The following SEMA5A variants were observed in gnomAD, a reference collection of about 807,000 sequenced individuals.
SEMA5A encodes semaphorin-5A.
A neutral mutation model predicts 135.5 loss-of-function variants in SEMA5A; 55 were observed. That is an observed-to-expected ratio of 0.41 (90% CI 0.33 to 0.51). The LOEUF (loss-of-function observed/expected upper bound fraction) is 0.51. Ranked by LOEUF, SEMA5A falls within the 20% of genes least tolerant of loss-of-function variation. SEMA5A has a pLI of 0.37. For synonymous variants in SEMA5A, 580 were observed against 546.5 expected, an observed-to-expected ratio of 1.06 and a Z score of -0.85; for missense variants, 1,290 against 1,419.9, an observed-to-expected ratio of 0.91 and a Z score of 1.47.
chr5:9,177,111 TA>T (rs1331748338), intron 11 of SEMA5A, among the ~76,000 whole-genome samples: 1 of 152,184 alleles, frequency 6.6e-6, no homozygotes, highest in Non-Finnish European at 1.5e-5. Context: ...ATTAATCCCA[TA>T]AACAGACTCA....
chr5:9,046,183 T>C (rs1736241786), intron 21 of SEMA5A, among the ~76,000 whole-genome samples: 1 of 152,076 alleles, frequency 6.6e-6, no homozygotes, highest in Non-Finnish European at 1.5e-5. Flanking sequence ...TTCCCCAGAG[T>C]GTCTCCTCCA....
At chr5:9,484,219 C>T (rs1759990143) in intron 1 of SEMA5A, among the ~76,000 whole-genome samples, 3 of 152,236 alleles carry the variant, frequency 2.0e-5, no homozygotes, top group Admixed American at 2.0e-4. Context: ...AGTACGTGCT[C>T]TGTGTTCCTC....
rs140986976 is a variant in SEMA5A at position 9,215,728 on chromosome 5, T to C, written c.646+8946A>G. ...TGATGGTTATTTTTATTTCTGTGGG[T>C]TCAGCGGTAACATTTTCTTCTTCAT... On this transcript the variant is annotated intron_variant, in intron 8 of 22. Transcript: ENST00000382496. Among the ~76,000 whole-genome samples the C allele has an allele frequency of 6.5e-3, 995 of 152,306 alleles. 3 individuals carry two copies. The highest frequency in any genetic ancestry group is 0.023 in the African/African-American group (957 of 41,552).
chr5:9,242,656 T>C (rs1748264429), intron 5 of SEMA5A, among the ~76,000 whole-genome samples: 1 of 152,162 alleles, frequency 6.6e-6, no homozygotes, highest in Non-Finnish European at 1.5e-5. Flanking sequence ...ACAACCAACG[T>C]GGTGCAGTGT....
At chr5:9,225,821 G>C (rs1162937753) in intron 7 of SEMA5A, among the ~76,000 whole-genome samples, 1 of 152,026 alleles carries the variant, frequency 6.6e-6, no homozygotes, top group African/African-American at 2.4e-5. Flanking sequence ...AAAGCTCTTG[G>C]GTACTGGTGG....
intron 5 of SEMA5A, among the ~76,000 whole-genome samples, chr5:9,248,301 C>T (rs1748581069): frequency 1.3e-5 from 2 of 152,026 alleles, no homozygotes; most frequent in African/African-American, 4.8e-5. Context: ...GCACTCCTTC[C>T]CTTCCATCTA....
chr5:9,435,581 A>T (rs1390272356), intron 2 of SEMA5A, among the ~76,000 whole-genome samples: 1 of 152,220 alleles, frequency 6.6e-6, no homozygotes, highest in Admixed American at 6.5e-5. Context: ...TGTGGGACTA[A>T]TACCTACTGT....
chr5:9,535,869 A>C (rs1042452481), intron 1 of SEMA5A, among the ~76,000 whole-genome samples: 3 of 152,202 alleles, frequency 2.0e-5, no homozygotes, highest in Non-Finnish European at 4.4e-5. Flanking sequence ...CCCAAGCTCA[A>C]GAGCACCGTC....
chr5:9,447,917 C>A (rs1391971317), intron 1 of SEMA5A, among the ~76,000 whole-genome samples: 1 of 152,178 alleles, frequency 6.6e-6, no homozygotes, highest in Non-Finnish European at 1.5e-5. Flanking sequence ...TAAAAGCACC[C>A]ATGCCAGCTG....
intron 11 of SEMA5A, among the ~76,000 whole-genome samples, chr5:9,159,844 C>T (rs1370660753): frequency 1.3e-5 from 2 of 152,154 alleles, no homozygotes; most frequent in Admixed American, 6.5e-5. Context: ...AAATGTGGTA[C>T]ATATACACCA....
intron 2 of SEMA5A, among the ~76,000 whole-genome samples, chr5:9,423,582 C>A (rs1757545165): frequency 6.6e-6 from 1 of 152,170 alleles, no homozygotes; most frequent in African/African-American, 2.4e-5. Context: ...GAAATGTGAG[C>A]CTTATGCTTT....
chr5:9,114,752 G>C (rs984279874), intron 15 of SEMA5A, among the ~76,000 whole-genome samples: 1 of 152,160 alleles, frequency 6.6e-6, no homozygotes, highest in Admixed American at 6.5e-5. Flanking sequence ...GGAACTGGAT[G>C]ATTTTGGAAA....
At chr5:9,159,673 A>G (rs1323770164) in intron 11 of SEMA5A, among the ~76,000 whole-genome samples, 1 of 152,212 alleles carries the variant, frequency 6.6e-6, no homozygotes, top group Non-Finnish European at 1.5e-5. Context: ...AACCAGAAAT[A>G]CCATTTGACC....
intron 5 of SEMA5A, among the ~76,000 whole-genome samples, chr5:9,305,161 G>C (rs1039164851): frequency 3.3e-5 from 5 of 152,124 alleles, no homozygotes; most frequent in Non-Finnish European, 7.4e-5. Flanking sequence ...TGGGCCTAGT[G>C]TGTTAACCAT....
chr5:9,338,449 T>G (rs1210545564), intron 3 of SEMA5A, among the ~76,000 whole-genome samples: 1 of 152,120 alleles, frequency 6.6e-6, no homozygotes, highest in Non-Finnish European at 1.5e-5. Context: ...ACAAGCACGG[T>G]TAACTCCTAT....
At chr5:9,212,493 C>A (rs891275334) in intron 8 of SEMA5A, among the ~76,000 whole-genome samples, 5 of 152,142 alleles carry the variant, frequency 3.3e-5, no homozygotes, top group Non-Finnish European at 2.9e-5. Flanking sequence ...TCCAGAATGT[C>A]ATCCAATTGA....
chr5:9,122,894 G>A (rs1434266500), intron 13 of SEMA5A, 57 bp from the exon 14 acceptor site: 2 of 1,399,882 alleles, frequency 1.4e-6, no homozygotes, highest in Admixed American at 2.4e-5. Flanking sequence ...ACACATAATG[G>A]AGTAAAAATT....
intron 2 of SEMA5A, among the ~76,000 whole-genome samples, chr5:9,394,531 G>A (rs546641642): frequency 2.0e-5 from 3 of 152,222 alleles, no homozygotes; most frequent in Middle Eastern, 3.4e-3. Context: ...TTTCTTGCAC[G>A]TAGAAAGTAC....
intron 8 of SEMA5A, among the ~76,000 whole-genome samples, chr5:9,219,789 C>T (rs1349533938): frequency 2.0e-5 from 3 of 152,102 alleles, no homozygotes; most frequent in Non-Finnish European, 4.4e-5. Flanking sequence ...TAATACAGAG[C>T]CCATACCCAA....
Sources: gnomAD v4.1 joint callset for allele counts (sites outside exome capture counted in the v4.1 genomes callset) on GRCh38, gnomAD v4.1.1 for gene constraint, MANE v1.5 for transcripts, NCBI Gene and HGNC (gene_info 2026-07-23, HGNC 2026-07-21) for gene names.